The following ELOVL6 variants were observed in gnomAD, a reference collection of about 807,000 sequenced individuals.
ELOVL6 encodes the protein very long chain fatty acid elongase 6.
In ELOVL6, 8 loss-of-function variants were observed where a neutral mutation model predicts 31.7. That is an observed-to-expected ratio of 0.25 (90% CI 0.15 to 0.45). The LOEUF (loss-of-function observed/expected upper bound fraction) is 0.45, where lower values mean the gene tolerates loss of function less well. Among genes scored for constraint, ELOVL6 ranks in the 20% least tolerant of loss-of-function variants. The pLI, the probability that ELOVL6 is intolerant of heterozygous loss-of-function variation, is 1.00. For missense variants in ELOVL6, 126 were observed against 326.4 expected (o/e 0.39, Z 4.73); for synonymous variants, 101 against 117.7 (o/e 0.86, Z 0.92).
intron 1 of ELOVL6, among the ~76,000 whole-genome samples, chr4:110,119,191 G>C (rs1757272168): frequency 6.6e-6 from 1 of 152,102 alleles, no homozygotes; most frequent in Non-Finnish European, 1.5e-5. Context: ...CAGCACTTTG[G>C]GAGGCCAAGG....
intron 1 of ELOVL6, among the ~76,000 whole-genome samples, chr4:110,168,349 T>C (rs1758842122): frequency 6.6e-6 from 1 of 151,948 alleles, no homozygotes; most frequent in South Asian, 2.1e-4. Context: ...ACCCCGTCTC[T>C]ACTAAAAAAA....
chr4:110,084,582 A>AT (rs1756179383), intron 2 of ELOVL6, among the ~76,000 whole-genome samples: 2 of 54,508 alleles, frequency 3.7e-5, no homozygotes, highest in East Asian at 9.0e-4. Context: ...ATATATATAT[A>AT]TATATATTTT....
At chr4:110,061,519 G>A (rs1171427093) in intron 2 of ELOVL6, among the ~76,000 whole-genome samples, 1 of 119,746 alleles carries the variant, frequency 8.4e-6, no homozygotes, top group Non-Finnish European at 1.8e-5. Context: ...AATTTTTTTT[G>A]TGTACTGTCT....
chr4:110,107,037 AGTT>A (rs1229469636), intron 1 of ELOVL6, among the ~76,000 whole-genome samples: 4 of 152,360 alleles, frequency 2.6e-5, no homozygotes, highest in Admixed American at 2.0e-4. Flanking sequence ...TTGAGAAATA[AGTT>A]ACAAAACATA....
rs1754700568 is a variant in ELOVL6 at position 110,046,454 on chromosome 4, C to T, written c.*4884G>A. On this transcript the variant is annotated 3_prime_UTR_variant, in exon 4 of 4. Coordinates refer to ENST00000302274, the MANE Select transcript of ELOVL6 (RefSeq NM_024090.3). ...CCCAAGCCCCACTCACGAATGTGCT[C>T]CCACTGTCCATCTAACTTCTAGAAC... is the stretch of plus-strand genomic sequence containing the variant. 1 of 152,214 alleles carries T rather than the reference C, an allele frequency of 6.6e-6. No individual in the cohort carries two copies. Among genetic ancestry groups the T allele is most frequent in the South Asian group, 2.1e-4 (1 of 4,828 alleles). 9.4% of individuals were successfully genotyped at this position (152,214 alleles called of 1,614,324 possible).
In ELOVL6 at chr4:110,130,692, T is replaced by C. The variant is rs548594560; in HGVS notation, c.90-25064A>G. ...CCACCATCATCCATCCGGCCAAGGA[T>C]TGGATAGTTCCCTTTAAGCAAAACA... On this transcript the variant is annotated intron_variant, in intron 1 of 3. Coordinates refer to ENST00000302274, the MANE Select transcript of ELOVL6 (RefSeq NM_024090.3). Among the ~76,000 whole-genome samples, 5 of 152,318 alleles carry C rather than the reference T, an allele frequency of 3.3e-5. No individual in the cohort carries two copies. The South Asian group carries it at 6.2e-4, about 19-fold the overall frequency.
At chr4:110,057,854 GA>G (rs1248115566) in intron 3 of ELOVL6, among the ~76,000 whole-genome samples, 86 of 131,758 alleles carry the variant, frequency 6.5e-4, no homozygotes, top group South Asian at 1.7e-3. Flanking sequence ...CTGTCTCAGG[GA>G]AAAAAAAAAA....
chr4:110,174,940 C>T (rs368853763), intron 1 of ELOVL6, among the ~76,000 whole-genome samples: 4 of 152,026 alleles, frequency 2.6e-5, no homozygotes, highest in East Asian at 1.9e-4. Context: ...TCATTCCTTT[C>T]GCTTCTTCTT....
At chr4:110,069,487 G>C (rs888061499) in intron 2 of ELOVL6, among the ~76,000 whole-genome samples, 1 of 152,082 alleles carries the variant, frequency 6.6e-6, no homozygotes, top group Non-Finnish European at 1.5e-5. Context: ...GACTCTGTGC[G>C]AGCACTGCAC....
chr4:110,180,121 TTC>T (rs1446539047), intron 1 of ELOVL6, among the ~76,000 whole-genome samples: 1 of 152,232 alleles, frequency 6.6e-6, no homozygotes, highest in Non-Finnish European at 1.5e-5. Context: ...GTAGAGTTTT[TTC>T]TTTTAGTATA....
At chr4:110,079,786 A>G (rs550901882) in intron 2 of ELOVL6, among the ~76,000 whole-genome samples, 1 of 151,384 alleles carries the variant, frequency 6.6e-6, no homozygotes, top group East Asian at 1.9e-4. Context: ...TTCAAAAAAA[A>G]TCAATGAATC....
rs116527837 is a variant in ELOVL6, at chr4:110,162,563, C to T, written c.89+35684G>A. On this transcript the variant is annotated intron_variant, in intron 1 of 3. Coordinates refer to ENST00000302274, the MANE Select transcript of ELOVL6 (RefSeq NM_024090.3). The stretch of plus-strand genomic sequence containing the variant: ...TTTGCTATGTTGCCCAAGCTAGTCT[C>T]CAACTCCTAGGCTCATGCAATCCCA... Among the ~76,000 whole-genome samples, 967 of 98,288 alleles carry T rather than the reference C, an allele frequency of 9.8e-3. 15 individuals carry two copies. The highest frequency in any genetic ancestry group is 0.043 in the African/African-American group (920 of 21,388). 64.5% of individuals were successfully genotyped at this position (98,288 alleles called of 152,430 possible). A position where few individuals can be genotyped will look rare whatever the true frequency, so the allele number is the denominator to read the frequency against.
rs1166619235 is a variant in ELOVL6 at position 110,047,707 on chromosome 4, T to G, written c.*3631A>C. On this transcript the variant is annotated 3_prime_UTR_variant, in exon 4 of 4. Transcript: ENST00000302274. ...GAGCTCGAGACCAGCCTGGCCAACATGGTGAAACCCTGTCTCTACTAAAAA... is the reference window on the plus strand; with the variant it reads ...GAGCTCGAGACCAGCCTGGCCAACAGGGTGAAACCCTGTCTCTACTAAAAA... 1.3e-5 allele frequency: 2 copies of G among 152,104 alleles called. No individual in the cohort carries two copies. Among genetic ancestry groups the G allele is most frequent in the African/African-American group, 4.8e-5 (2 of 41,378 alleles). 9.4% of individuals were successfully genotyped at this position (152,104 alleles called of 1,614,324 possible). A position where few individuals can be genotyped will look rare whatever the true frequency, so the allele number is the denominator to read the frequency against.
intron 1 of ELOVL6, among the ~76,000 whole-genome samples, chr4:110,186,829 A>C (rs1759461303): frequency 7.2e-6 from 1 of 138,638 alleles, no homozygotes; most frequent in Non-Finnish European, 1.5e-5. Flanking sequence ...AAAAATATAT[A>C]TATATATATA....
In ELOVL6 at chr4:110,136,931, A is replaced by G. The variant is rs1029836877; in HGVS notation, c.90-31303T>C. Among the ~76,000 whole-genome samples, 12 of 152,200 alleles carry G rather than the reference A, an allele frequency of 7.9e-5. 1 individual carries two copies. Among genetic ancestry groups the G allele is most frequent in the Non-Finnish European group, 1.0e-4 (7 of 68,028 alleles). On this transcript the variant is annotated intron_variant, in intron 1 of 3. Coordinates refer to ENST00000302274, the MANE Select transcript of ELOVL6 (RefSeq NM_024090.3). ...GATGTCTTCTGGGATTGTCTGTTAA[A>G]GAGCTGTGACACTCATATAAATGCA...
intron 2 of ELOVL6, among the ~76,000 whole-genome samples, chr4:110,072,702 C>A (rs1045466876): frequency 3.3e-5 from 5 of 152,084 alleles, no homozygotes; most frequent in African/African-American, 1.2e-4. Context: ...TATCTCTGAC[C>A]TGTGGCCAGT....
At chr4:110,139,996 T>C (rs1757909309) in intron 1 of ELOVL6, among the ~76,000 whole-genome samples, 1 of 152,218 alleles carries the variant, frequency 6.6e-6, no homozygotes, top group Non-Finnish European at 1.5e-5. Flanking sequence ...TATTCCCTAC[T>C]GATCCTACCA....
At chr4:110,104,211 C>T (rs988497459) in intron 2 of ELOVL6, among the ~76,000 whole-genome samples, 1 of 152,042 alleles carries the variant, frequency 6.6e-6, no homozygotes, top group South Asian at 2.1e-4. Flanking sequence ...GAGATAAATT[C>T]CCCACAAATA....
intron 1 of ELOVL6, chr4:110,198,029 AGCCGCG>A (rs1344613549): frequency 3.3e-6 from 2 of 608,410 alleles, no homozygotes; most frequent in Non-Finnish European, 5.8e-6. Context: ...ATGCCTATGT[AGCCGCG>A]GTTCACACAG....
Sources: allele counts gnomAD v4.1 joint callset (sites outside exome capture counted in the v4.1 genomes callset), GRCh38; gene constraint gnomAD v4.1.1; transcripts MANE v1.5; gene names NCBI Gene and HGNC (gene_info 2026-07-23, HGNC 2026-07-21).